ATP11C: variants seen among roughly 807,000 people sequenced by gnomAD.
The protein encoded by ATP11C is phospholipid-transporting ATPase IG.
ATP11C carries 36 observed loss-of-function variants against 97.4 expected under a neutral mutation model. That is an observed-to-expected ratio of 0.37 (90% CI 0.28 to 0.49). ATP11C has a LOEUF of 0.49. Ranked by LOEUF, ATP11C falls within the 20% of genes least tolerant of loss-of-function variation. The probability of loss-of-function intolerance (pLI) is 0.98; values close to 1 mark genes in which losing one functional copy is unlikely to be tolerated. For synonymous variants in ATP11C, 275 were observed against 290.9 expected, an observed-to-expected ratio of 0.95 and a Z score of 0.56; for missense variants, 730 against 824.6, an observed-to-expected ratio of 0.89 and a Z score of 1.40.
At chrX:139,767,972 G>C (rs1442323793) in intron 20 of ATP11C, among the ~76,000 whole-genome samples, 1 of 111,312 alleles carries the variant, frequency 9.0e-6, no homozygotes, top group African/African-American at 3.3e-5. Flanking sequence ...TGTCATAAGG[G>C]ATCTAGGAGC....
chrX:139,877,929 A>G (rs1393334300), intron 1 of ATP11C, among the ~76,000 whole-genome samples: 3 of 111,593 alleles, frequency 2.7e-5, no homozygotes, highest in Non-Finnish European at 5.6e-5. Flanking sequence ...AGGCTGAGGC[A>G]GGAGAATCGC....
chrX:139,835,474 G>A (rs746564597), intron 1 of ATP11C, among the ~76,000 whole-genome samples: 3 of 110,010 alleles, frequency 2.7e-5, no homozygotes, highest in Admixed American at 9.6e-5. Context: ...GTGTGATCTC[G>A]GCTCACTGCA....
intron 1 of ATP11C, among the ~76,000 whole-genome samples, chrX:139,897,629 C>A (rs1321161590): frequency 9.3e-6 from 1 of 107,496 alleles, no homozygotes; most frequent in Non-Finnish European, 1.9e-5. Context: ...TGAGATGGCG[C>A]CACTGCATTC....
In ATP11C at chrX:139,789,472, G is replaced by A; in HGVS notation, c.1223C>T (p.Thr408Ile). 3 of 1,187,525 alleles carry A rather than the reference G, an allele frequency of 2.5e-6. No individual in the cohort carries two copies. The highest frequency in any genetic ancestry group is 3.4e-6 in the Non-Finnish European group (3 of 884,357). The change falls in exon 13 of 30, where the codon ACA (threonine) becomes ATA (isoleucine). Residue 408 changes from threonine to isoleucine, a missense_variant. Thr to Ile is a moderately conservative substitution (Grantham distance 89, BLOSUM62 -1). Transcript: ENST00000682941. The stretch of plus-strand genomic sequence containing the variant: ...TTCAGTGAGTGTTCCAGTCTTATCT[G>A]TAAATACATAATCCACCTAAAACAA... Reference protein sequence around the residue: ...EELGQVDYVFTDKTGTLTENS... With the variant: ...EELGQVDYVFIDKTGTLTENS...
chrX:139,832,310 T>C, intron 1 of ATP11C: 17 of 1,127,989 alleles, frequency 1.5e-5, no homozygotes, highest in Non-Finnish European at 2.0e-5. Flanking sequence ...ACTTGGGAAG[T>C]GAGCCAATTA....
chrX:139,927,232 GC>G (rs1440089566), intron 1 of ATP11C, among the ~76,000 whole-genome samples: 2 of 111,590 alleles, frequency 1.8e-5, no homozygotes, highest in Non-Finnish European at 3.8e-5. Flanking sequence ...TGACTGCAGT[GC>G]CCAGCACATA....
intron 1 of ATP11C, among the ~76,000 whole-genome samples, chrX:139,904,583 G>T (rs2084946450): frequency 9.0e-6 from 1 of 111,435 alleles, no homozygotes; most frequent in African/African-American, 3.3e-5. Context: ...GTAGAGGGGG[G>T]CTAATAACTA....
intron 2 of ATP11C, among the ~76,000 whole-genome samples, chrX:139,825,232 T>C (rs941378083): frequency 6.3e-5 from 7 of 111,564 alleles, no homozygotes; most frequent in African/African-American, 2.3e-4. Context: ...CACGATGATG[T>C]AAAAAGACCT....
At chrX:139,778,263 A>T (rs182359234) in intron 18 of ATP11C, among the ~76,000 whole-genome samples, 49 of 112,024 alleles carry the variant, frequency 4.4e-4, no homozygotes, top group Middle Eastern at 4.6e-3. Flanking sequence ...AGCAAATGCT[A>T]TGGGAATCTG....
chrX:139,748,737 TCTAGA>T (rs761161648), intron 24 of ATP11C, among the ~76,000 whole-genome samples: 1 of 111,782 alleles, frequency 8.9e-6, no homozygotes, highest in East Asian at 2.8e-4. Flanking sequence ...ATCAGCAAAC[TCTAGA>T]CTGGGAGAAA....
At chrX:139,833,195 A>AC (rs2083686480) in intron 1 of ATP11C, among the ~76,000 whole-genome samples, 1 of 112,255 alleles carries the variant, frequency 8.9e-6, no homozygotes, top group African/African-American at 3.2e-5. Flanking sequence ...AAACCAATGA[A>AC]TGCATTTTTC....
chrX:139,878,980 G>C (rs913233349), intron 1 of ATP11C, among the ~76,000 whole-genome samples: 1 of 111,032 alleles, frequency 9.0e-6, no homozygotes, highest in Non-Finnish European at 1.9e-5. Context: ...GCATGGTAGC[G>C]TACACTTGTA....
chrX:139,764,115 C>T (rs1246386897), intron 20 of ATP11C, among the ~76,000 whole-genome samples: 1 of 112,074 alleles, frequency 8.9e-6, no homozygotes, highest in African/African-American at 3.2e-5. Flanking sequence ...CTACTCTCTC[C>T]TCCCTGCTGA....
At chrX:139,731,015 CT>C (rs1408489788) in intron 29 of ATP11C, among the ~76,000 whole-genome samples, 1 of 111,534 alleles carries the variant, frequency 9.0e-6, no homozygotes, top group Non-Finnish European at 1.9e-5. Context: ...AAGCATCCCC[CT>C]GAATGGCTAT....
At chrX:139,756,304 T>C (rs1222628506) in intron 23 of ATP11C, among the ~76,000 whole-genome samples, 7 of 111,897 alleles carry the variant, frequency 6.3e-5, no homozygotes, top group African/African-American at 2.3e-4. Context: ...GAATGGCTAT[T>C]ATTAAAAAGT....
At chrX:139,764,358 T>C (rs1321432616) in intron 20 of ATP11C, among the ~76,000 whole-genome samples, 27 of 112,777 alleles carry the variant, frequency 2.4e-4, no homozygotes. Context: ...TGAGTGTTTC[T>C]TCAAGATGTA....
chrX:139,823,201 CTT>C (rs1170311694), intron 2 of ATP11C, among the ~76,000 whole-genome samples: 1 of 110,674 alleles, frequency 9.0e-6, no homozygotes, highest in African/African-American at 3.3e-5. Flanking sequence ...GACAGAGACT[CTT>C]GTCTCAAAAA....
rs774562338 is a variant in ATP11C at position 139,782,714 on chromosome X, T to C, written c.1785A>G (p.Thr595=). 1.7e-6 allele frequency: 2 copies of C among 1,185,787 alleles called. No homozygotes were observed. Among genetic ancestry groups the C allele is most frequent in the Admixed American group, 4.7e-5 (2 of 42,923 alleles). The change falls in exon 18 of 30, where the codon ACA becomes ACG. Residue 595 remains threonine, a synonymous_variant. Coordinates refer to ENST00000682941, the MANE Select transcript of ATP11C (RefSeq NM_001353812.2). ...VERNAMDGYR[T]LCVAFKEIAP... Reference sequence around the variant, plus strand: ...CAATTTCTTTGAAGGCTACACAGAGTGTCCGATACCCATCCTAGGAGTAAA... The same window carrying C: ...CAATTTCTTTGAAGGCTACACAGAGCGTCCGATACCCATCCTAGGAGTAAA...
At chrX:139,848,996 C>T (rs1267589003) in intron 1 of ATP11C, among the ~76,000 whole-genome samples, 1 of 111,950 alleles carries the variant, frequency 8.9e-6, no homozygotes, top group African/African-American at 3.2e-5. Context: ...CTTCATCTGA[C>T]TCTCCACTTA....
Sources: allele counts gnomAD v4.1 joint callset (sites outside exome capture counted in the v4.1 genomes callset), GRCh38; gene constraint gnomAD v4.1.1; transcripts MANE v1.5; gene names NCBI Gene and HGNC (gene_info 2026-07-23, HGNC 2026-07-21).